Variants in CNTNAP5 observed in about 807,000 individuals in gnomAD.
The protein encoded by CNTNAP5 is contactin associated protein family member 5.
Under a neutral mutation model 150.2 loss-of-function variants are expected in CNTNAP5, and 72 were observed. That is an observed-to-expected ratio of 0.48 (90% CI 0.40 to 0.58). The LOEUF is 0.58. Ranked by LOEUF, CNTNAP5 falls within the 20% of genes least tolerant of loss-of-function variation. The probability of loss-of-function intolerance (pLI) is 0.00; values close to 1 mark genes in which losing one functional copy is unlikely to be tolerated. For missense variants in CNTNAP5, 1,636 were observed against 1,626.2 expected (o/e 1.01, Z -0.10); for synonymous variants, 672 against 619.8 (o/e 1.08, Z -1.25).
intron 3 of CNTNAP5, among the ~76,000 whole-genome samples, chr2:124,355,615 A>G (rs1436805692): frequency 6.6e-6 from 1 of 152,166 alleles, no homozygotes; most frequent in Non-Finnish European, 1.5e-5. Flanking sequence ...CCAGAGGTTC[A>G]ACTTTCATCA....
At chr2:124,515,352 G>T (rs1694684850) in intron 8 of CNTNAP5, among the ~76,000 whole-genome samples, 1 of 152,176 alleles carries the variant, frequency 6.6e-6, no homozygotes, top group Non-Finnish European at 1.5e-5. Context: ...ACTGGGAAGA[G>T]GAGACTAACA....
intron 3 of CNTNAP5, among the ~76,000 whole-genome samples, chr2:124,274,372 A>G (rs925359235): frequency 6.6e-6 from 1 of 152,200 alleles, no homozygotes; most frequent in Non-Finnish European, 1.5e-5. Context: ...TGAAAGAACA[A>G]AAAGTCCTAT....
rs138288829 is a variant in CNTNAP5, at chr2:124,340,809, GTATATA to G, written c.382-76620_382-76615del. Among the ~76,000 whole-genome samples, 657 of 142,956 alleles carry G rather than the reference GTATATA, an allele frequency of 4.6e-3. 6 individuals carry two copies. The highest frequency in any genetic ancestry group is 0.016 in the African/African-American group (632 of 39,154). 93.8% of individuals were successfully genotyped at this position (142,956 alleles called of 152,430 possible). On this transcript the variant is annotated intron_variant, in intron 3 of 23. Transcript: ENST00000682447. ...CACATACATATATATATGTATACAT[GTATATA>G]TATATATATATATGCGTGTGCGTGT...
intron 13 of CNTNAP5, among the ~76,000 whole-genome samples, chr2:124,686,980 T>C (rs1377094204): frequency 1.3e-5 from 2 of 152,096 alleles, no homozygotes; most frequent in Non-Finnish European, 2.9e-5. Flanking sequence ...TGGCAGCCAC[T>C]AGCCCTGTGG....
intron 11 of CNTNAP5, among the ~76,000 whole-genome samples, chr2:124,581,231 GT>G (rs1248668019): frequency 6.6e-6 from 1 of 152,148 alleles, no homozygotes; most frequent in Non-Finnish European, 1.5e-5. Context: ...CCGAACATGA[GT>G]CTTTATTAGC....
Position 124,265,812 on chromosome 2 carries a change from G to A in CNTNAP5, c.381+23419G>A, listed in dbSNP as rs558463271. On this transcript the variant is annotated intron_variant, in intron 3 of 23. Transcript: ENST00000682447. ...CTACACAAAATTAATGGGCCTTCACGTTTCCATTTGCAGCATGAGAATGGT... is the reference window on the plus strand; with the variant it reads ...CTACACAAAATTAATGGGCCTTCACATTTCCATTTGCAGCATGAGAATGGT... Among the ~76,000 whole-genome samples the A allele has an allele frequency of 2.1e-4, 32 of 150,292 alleles. No homozygotes were observed. In the South Asian group the frequency reaches 6.6e-3, roughly 31 times the overall value.
chr2:124,085,004 C>A (rs1324435390), intron 1 of CNTNAP5, among the ~76,000 whole-genome samples: 1 of 137,122 alleles, frequency 7.3e-6, no homozygotes, highest in Admixed American at 8.3e-5. Flanking sequence ...TCACCGCAAA[C>A]TCTGCCTCCC....
At chr2:124,493,988 A>G (rs1012053532) in intron 7 of CNTNAP5, among the ~76,000 whole-genome samples, 14 of 151,316 alleles carry the variant, frequency 9.3e-5, no homozygotes, top group Admixed American at 4.6e-4. Context: ...ACACACACAC[A>G]CACACACACA....
At chr2:124,370,253 C>T (rs1486539772) in intron 3 of CNTNAP5, among the ~76,000 whole-genome samples, 1 of 152,098 alleles carries the variant, frequency 6.6e-6, no homozygotes, top group African/African-American at 2.4e-5. Flanking sequence ...AGACCCTCAG[C>T]AGTAAAGGTT....
At position 124,336,873 on chromosome 2, in the gene CNTNAP5, C is replaced by T. The variant is rs541937866; in HGVS notation, c.382-80570C>T. ...TCTTTACAGCAGCATGATTTATAAT[C>T]CTTTGGGTATATACCCAGTAATGGG... On this transcript the variant is annotated intron_variant, in intron 3 of 23. Coordinates refer to ENST00000682447, the MANE Select transcript of CNTNAP5 (RefSeq NM_001367498.1). Among the ~76,000 whole-genome samples the T allele has an allele frequency of 5.9e-5, 9 of 152,190 alleles. No individual in the cohort carries two copies. In the South Asian group the frequency reaches 1.9e-3, roughly 32 times the overall value.
At chr2:124,429,392 A>G (rs1010256136) in intron 4 of CNTNAP5, among the ~76,000 whole-genome samples, 7 of 152,244 alleles carry the variant, frequency 4.6e-5, no homozygotes, top group Non-Finnish European at 8.8e-5. Context: ...AAATCAAGCA[A>G]TAGTATAAAA....
chr2:124,248,460 T>C (rs1391693362), intron 3 of CNTNAP5, among the ~76,000 whole-genome samples: 1 of 152,206 alleles, frequency 6.6e-6, no homozygotes, highest in Non-Finnish European at 1.5e-5. Flanking sequence ...CTTTTGCTGA[T>C]TTTAGATGAT....
intron 2 of CNTNAP5, among the ~76,000 whole-genome samples, chr2:124,235,770 A>C (rs918098988): frequency 2.0e-5 from 3 of 152,030 alleles, no homozygotes; most frequent in Non-Finnish European, 4.4e-5. Flanking sequence ...AACTATAATA[A>C]CCGGGTCTGA....
intron 13 of CNTNAP5, among the ~76,000 whole-genome samples, chr2:124,736,459 C>A (rs947622762): frequency 1.3e-5 from 2 of 152,062 alleles, no homozygotes; most frequent in African/African-American, 4.8e-5. Flanking sequence ...AAGTGTTTTG[C>A]CTTTTATACT....
At chr2:124,212,578 A>G (rs533986643) in intron 1 of CNTNAP5, among the ~76,000 whole-genome samples, 5 of 152,316 alleles carry the variant, frequency 3.3e-5, no homozygotes, top group South Asian at 4.1e-4. Context: ...AAGGTTGAAT[A>G]GCTTTCTAAT....
intron 1 of CNTNAP5, chr2:124,135,152 A>G (rs1487186947): frequency 6.6e-6 from 1 of 152,214 alleles, no homozygotes; most frequent in Non-Finnish European, 1.5e-5. Flanking sequence ...AGACTCAAAC[A>G]CTGTATAATT....
At chr2:124,859,140 A>C (rs548443569) in intron 19 of CNTNAP5, among the ~76,000 whole-genome samples, 2 of 152,094 alleles carry the variant, frequency 1.3e-5, no homozygotes, top group African/African-American at 4.8e-5. Context: ...AATGGGAGAA[A>C]ATTTTTGCAA....
chr2:124,609,952 C>T (rs1390690413), intron 12 of CNTNAP5, 32 bp downstream of exon 12: 1 of 1,586,680 alleles, frequency 6.3e-7, no homozygotes, highest in African/African-American at 1.3e-5. Context: ...TCACACTTAA[C>T]CACCCCACTT....
intron 3 of CNTNAP5, among the ~76,000 whole-genome samples, chr2:124,352,664 A>AT (rs1410156536): frequency 3.3e-5 from 5 of 152,008 alleles, no homozygotes; most frequent in East Asian, 3.9e-4. Context: ...GTTTTGCCTC[A>AT]TTTTTTTTAG....
Sources: allele counts gnomAD v4.1 joint callset (sites outside exome capture counted in the v4.1 genomes callset), GRCh38; gene constraint gnomAD v4.1.1; transcripts MANE v1.5; gene names NCBI Gene and HGNC (gene_info 2026-07-23, HGNC 2026-07-21).